The following CTHRC1 variants were observed in gnomAD, a reference collection of about 807,000 sequenced individuals.
CTHRC1 encodes the protein collagen triple helix repeat-containing protein 1.
Under a neutral mutation model 25.9 loss-of-function variants are expected in CTHRC1, and 21 were observed. That is an observed-to-expected ratio of 0.81 (90% CI 0.57 to 1.17). The LOEUF (loss-of-function observed/expected upper bound fraction) is 1.17, where lower values mean the gene tolerates loss of function less well. Among genes scored for constraint, CTHRC1 ranks in the 50% most tolerant of loss-of-function variants. The pLI is 0.00. For missense variants in CTHRC1, 281 were observed against 304.3 expected, an observed-to-expected ratio of 0.92 and a Z score of 0.57; for synonymous variants, 109 against 113.1, an observed-to-expected ratio of 0.96 and a Z score of 0.23.
chr8:103,382,131 C>A (rs574216999), intron 3 of CTHRC1, among the ~76,000 whole-genome samples: 27 of 152,152 alleles, frequency 1.8e-4, no homozygotes, highest in African/African-American at 5.8e-4. Flanking sequence ...GTATATATAG[C>A]CTTTCTTTGT....
chr8:103,382,426 A>G, intron 3 of CTHRC1, 32 bp from the exon 4 acceptor site: 1 of 1,612,504 alleles, frequency 6.2e-7, no homozygotes, highest in East Asian at 2.2e-5. Context: ...TTTGTTCTAA[A>G]GAAAGATGTA....
rs1815794917 is a variant in CTHRC1 at position 103,375,872 on chromosome 8, G to A, written c.285G>A (p.Arg95=). The change falls in exon 2 of 4, where the codon AGG becomes AGA. Residue 95 remains arginine, a synonymous_variant. Transcript: ENST00000330295. The part of the protein sequence containing the change: ...GFKGEKGECL[R]ESFEESWTPN... ...AAGGAGAAAAGGGGGAATGTCTGAG[G>A]GAAAGCTTTGAGGAGTCCTGGACAC... 6.2e-7 allele frequency: 1 copy of A among 1,614,078 alleles called. No individual in the cohort carries two copies. The highest frequency in any genetic ancestry group is 8.5e-7 in the Non-Finnish European group (1 of 1,180,024).
At chr8:103,373,667 C>T (rs1159580467) in intron 1 of CTHRC1, among the ~76,000 whole-genome samples, 1 of 147,130 alleles carries the variant, frequency 6.8e-6, no homozygotes, top group African/African-American at 2.5e-5. Flanking sequence ...TGTCCGTTGT[C>T]GCGTGTTTAG....
At chr8:103,371,950 A>G in intron 1 of CTHRC1, 144 bp downstream of exon 1, 1 of 837,088 alleles carries the variant, frequency 1.2e-6, no homozygotes, top group Non-Finnish European at 1.8e-6. Flanking sequence ...CCGGGGTGTC[A>G]TGCTTTTTAT....
Position 103,382,457 on chromosome 8 carries a change from G to A in CTHRC1, c.590-1G>A. On this transcript the variant is annotated splice_acceptor_variant, in intron 3 of 3. Transcript: ENST00000330295. LOFTEE classifies it high-confidence loss of function. ...ATGTAACTTTCATCTTTGTCTTGCA[G>A]TGGAAGGACTTTGTGAAGGAATTGG... 2 of 1,613,814 alleles carry A rather than the reference G, an allele frequency of 1.2e-6. No homozygotes were observed. The highest frequency in any genetic ancestry group is 1.7e-6 in the Non-Finnish European group (2 of 1,179,814).
At chr8:103,379,008 TCTC>T (rs1327538226) in intron 3 of CTHRC1, among the ~76,000 whole-genome samples, 5 of 141,894 alleles carry the variant, frequency 3.5e-5, no homozygotes, top group African/African-American at 1.3e-4. Flanking sequence ...AAAAAAAAAA[TCTC>T]CTGGTCATTC....
At chr8:103,374,055 T>A (rs1815761306) in intron 1 of CTHRC1, among the ~76,000 whole-genome samples, 1 of 152,246 alleles carries the variant, frequency 6.6e-6, no homozygotes. Context: ...ACTTTTGTAA[T>A]TGTTAAATGC....
chr8:103,382,402 A>G (rs959732851), intron 3 of CTHRC1, 56 bp from the exon 4 acceptor site: 30 of 1,574,786 alleles, frequency 1.9e-5, no homozygotes, highest in Non-Finnish European at 2.4e-5. Flanking sequence ...AAATTTAACT[A>G]AAGGATTTTG....
chr8:103,372,300 T>C, intron 1 of CTHRC1: 1 of 628,230 alleles, frequency 1.6e-6, no homozygotes, highest in South Asian at 3.0e-5. Flanking sequence ...CGAGAGAGAA[T>C]AACAACCCCC....
rs146790327 is a variant in CTHRC1 at position 103,381,592 on chromosome 8, G to A, written c.590-866G>A. Among the ~76,000 whole-genome samples, 144 of 152,224 alleles carry A rather than the reference G, an allele frequency of 9.5e-4. 1 individual carries two copies. Among genetic ancestry groups the A allele is most frequent in the African/African-American group, 3.2e-3 (133 of 41,532 alleles). Reference sequence around the variant, plus strand: ...CATAAAAACACAGAGGAAAAGCAGGGGGGATTTTCTGTTTTATGTTTTTTC... The same window carrying A: ...CATAAAAACACAGAGGAAAAGCAGGAGGGATTTTCTGTTTTATGTTTTTTC... On this transcript the variant is annotated intron_variant, in intron 3 of 3. Transcript: ENST00000330295.
At chr8:103,377,978 A>T in intron 2 of CTHRC1, 49 bp from the exon 3 acceptor site, 1 of 1,451,026 alleles carries the variant, frequency 6.9e-7, no homozygotes, top group Non-Finnish European at 9.7e-7. Context: ...AGCTCTTTTT[A>T]ATTAAAATAG....
At chr8:103,377,090 C>T (rs1164946091) in intron 2 of CTHRC1, 1 of 150,748 alleles carries the variant, frequency 6.6e-6, no homozygotes, top group East Asian at 1.9e-4. Flanking sequence ...GTATGGTAAC[C>T]TTCTATGAGT....
intron 1 of CTHRC1, 38 bp downstream of exon 1, chr8:103,371,844 G>GT: frequency 6.8e-7 from 1 of 1,474,672 alleles, no homozygotes; most frequent in Non-Finnish European, 9.0e-7. Flanking sequence ...CGCCGCGCTG[G>GT]TGGAGGGGAC....
chr8:103,373,863 G>GA (rs948603060), intron 1 of CTHRC1, among the ~76,000 whole-genome samples: 9 of 151,538 alleles, frequency 5.9e-5, no homozygotes, highest in Non-Finnish European at 1.2e-4. Flanking sequence ...GAATAATAGT[G>GA]AAAAAAATCA....
chr8:103,374,652 CACTT>C (rs1815772812), intron 1 of CTHRC1, among the ~76,000 whole-genome samples: 1 of 152,208 alleles, frequency 6.6e-6, no homozygotes, highest in African/African-American at 2.4e-5. Flanking sequence ...GCAGTGGACA[CACTT>C]ACCCAGAGTT....
intron 3 of CTHRC1, among the ~76,000 whole-genome samples, chr8:103,379,301 G>A (rs902939749): frequency 6.6e-6 from 1 of 151,996 alleles, no homozygotes; most frequent in African/African-American, 2.4e-5. Flanking sequence ...TCAGCCTGGA[G>A]TACACTGGCA....
At chr8:103,376,526 C>T (rs1452751305) in intron 2 of CTHRC1, among the ~76,000 whole-genome samples, 1 of 152,160 alleles carries the variant, frequency 6.6e-6, no homozygotes. Context: ...ATAGCCTGTC[C>T]GGTCATGTAT....
chr8:103,380,731 G>T (rs1421770119), intron 3 of CTHRC1, among the ~76,000 whole-genome samples: 1 of 152,222 alleles, frequency 6.6e-6, no homozygotes, highest in Non-Finnish European at 1.5e-5. Flanking sequence ...ACCCAAGCTT[G>T]TCTGACGTCC....
intron 3 of CTHRC1, among the ~76,000 whole-genome samples, chr8:103,381,630 T>C (rs1005469451): frequency 2.6e-5 from 4 of 152,152 alleles, no homozygotes; most frequent in African/African-American, 9.7e-5. Context: ...TATGAGGAAA[T>C]TCTGTGTAAA....
Sources: allele counts gnomAD v4.1 joint callset (sites outside exome capture counted in the v4.1 genomes callset), GRCh38; gene constraint gnomAD v4.1.1; transcripts MANE v1.5; gene names NCBI Gene and HGNC (gene_info 2026-07-23, HGNC 2026-07-21).